Variants in CAT observed in about 807,000 individuals in gnomAD.
The protein encoded by CAT is catalase.
Under a neutral mutation model 59.0 loss-of-function variants are expected in CAT, and 43 were observed. The observed-to-expected ratio is 0.73, with a 90% CI of 0.57 to 0.94. CAT has a LOEUF of 0.94. Among genes scored for constraint, CAT ranks in the 40% least tolerant of loss-of-function variants. The pLI is 0.00. For synonymous variants in CAT, 218 were observed against 230.9 expected, an observed-to-expected ratio of 0.94 and a Z score of 0.51; for missense variants, 664 against 682.9, an observed-to-expected ratio of 0.97 and a Z score of 0.31.
chr11:34,461,712 GT>G (rs942583582), intron 9 of CAT, among the ~76,000 whole-genome samples: 1 of 152,230 alleles, frequency 6.6e-6, no homozygotes, highest in Non-Finnish European at 1.5e-5. Flanking sequence ...TGGGAGTTAG[GT>G]TTTGAAGACA....
rs774386093 is a variant in CAT, at chr11:34,461,321, A to C, written c.1127A>C (p.Asn376Thr). Residue 376 changes from asparagine to threonine, a missense_variant, in exon 9 of 13, where the codon AAC becomes ACC. Asn to Thr is a moderately conservative substitution (Grantham distance 65). Transcript: ENST00000241052. The stretch of plus-strand genomic sequence containing the variant: ...CCCAATTATCTTCATATACCTGTGA[A>C]CTGTCCCTACCGTGCTCGAGTGGCC... ...LGPNYLHIPV[N>T]CPYRARVANY... The C allele has an allele frequency of 6.2e-7, 1 of 1,614,204 alleles. No individual in the cohort carries two copies. Among genetic ancestry groups the C allele is most frequent in the South Asian group, 1.1e-5 (1 of 91,090 alleles).
At chr11:34,439,195 C>G in intron 1 of CAT, 116 bp downstream of exon 1, 1 of 980,584 alleles carries the variant, frequency 1.0e-6, no homozygotes, top group East Asian at 2.6e-5. Context: ...CCGCGGCTCA[C>G]TGGGCAGGGG....
At chr11:34,463,965 G>A (rs1856682756) in intron 9 of CAT, 140 bp from the exon 10 acceptor site, 6 of 857,222 alleles carry the variant, frequency 7.0e-6, no homozygotes, top group Admixed American at 3.5e-5. Context: ...AAAATAATAT[G>A]TGTGCGTTGT....
At chr11:34,442,256 G>A (rs1313021704) in intron 1 of CAT, among the ~76,000 whole-genome samples, 2 of 152,164 alleles carry the variant, frequency 1.3e-5, no homozygotes, top group African/African-American at 4.8e-5. Context: ...GGAATCATGT[G>A]TAGGCTAAGT....
In CAT at chr11:34,471,425, A is replaced by G. The variant is rs1856771294; in HGVS notation, c.1576A>G (p.Asn526Asp). The G allele has an allele frequency of 6.2e-7, 1 of 1,613,850 alleles. No individual in the cohort carries two copies. Among genetic ancestry groups the G allele is most frequent in the African/African-American group, 1.3e-5 (1 of 75,042 alleles). ...GSHLAAREKA[N>D]L ...TCACTTGGCGGCAAGGGAGAAGGCA[A>G]ATCTGTGAGGCCGGGGCCCTGCACC... Residue 526 changes from asparagine to aspartate, a missense_variant, in exon 13 of 13, where the codon AAT becomes GAT. Physicochemically the swap from Asn to Asp is conservative, Grantham distance 23 (BLOSUM62 1). Transcript: ENST00000241052.
chr11:34,442,566 A>C (rs918948035), intron 1 of CAT, among the ~76,000 whole-genome samples: 10 of 152,160 alleles, frequency 6.6e-5, no homozygotes, highest in Non-Finnish European at 1.5e-4. Context: ...CTGCCATTGC[A>C]CTCCAGCCTG....
chr11:34,450,989 G>T lies in CAT; in HGVS notation c.240G>T (p.Gly80=). The change falls in exon 3 of 13, where the codon GGG becomes GGT. Residue 80 remains glycine (G), a splice_region_variant and synonymous_variant. Coordinates refer to ENST00000241052, the MANE Select transcript of CAT (RefSeq NM_001752.4). ...PERVVHAKGA[G]AFGYFEVTHD... The stretch of plus-strand genomic sequence containing the variant: ...GGATTTCTGTGTCTTTCTCGTTAGG[G>T]GCCTTTGGCTACTTTGAGGTCACAC... 3 of 1,600,786 alleles carry T rather than the reference G, an allele frequency of 1.9e-6. No individual in the cohort carries two copies. The highest frequency in any genetic ancestry group is 2.6e-6 in the Non-Finnish European group (3 of 1,167,960).
chr11:34,470,712 C>T (rs1455066079), intron 11 of CAT: 24 of 529,464 alleles, frequency 4.5e-5, no homozygotes, highest in Admixed American at 9.2e-5. Context: ...TTGCGCATTT[C>T]GGCAGAGGGA....
At chr11:34,461,095 G>A in intron 8 of CAT, 156 bp from the exon 9 acceptor site, 2 of 826,200 alleles carry the variant, frequency 2.4e-6, no homozygotes, top group Non-Finnish European at 2.1e-6. Flanking sequence ...TTTCATAAGA[G>A]TAGAGGCTTC....
At chr11:34,451,149 T>G in intron 3 of CAT, 51 bp downstream of exon 3, 1 of 1,038,546 alleles carries the variant, frequency 9.6e-7, no homozygotes, top group Non-Finnish European at 1.5e-6. Context: ...ACTTCACCTT[T>G]TGGGGATGTT....
At chr11:34,454,021 C>A in intron 6 of CAT, 95 bp downstream of exon 6, 1 of 1,349,744 alleles carries the variant, frequency 7.4e-7, no homozygotes, top group Non-Finnish European at 1.0e-6. Context: ...GCTTCTCCCA[C>A]TTTTCCCTCA....
At chr11:34,455,155 C>T (rs982849167) in intron 6 of CAT, among the ~76,000 whole-genome samples, 3 of 152,128 alleles carry the variant, frequency 2.0e-5, no homozygotes, top group Non-Finnish European at 4.4e-5. Flanking sequence ...ACATGGTGAC[C>T]TTCATTGTTT....
chr11:34,457,911 A>T (rs1027952877), intron 8 of CAT, among the ~76,000 whole-genome samples: 2 of 152,244 alleles, frequency 1.3e-5, no homozygotes, highest in Non-Finnish European at 2.9e-5. Flanking sequence ...TTCCGTTTTT[A>T]AAAAATAACT....
chr11:34,443,407 C>T (rs762245656), intron 1 of CAT, among the ~76,000 whole-genome samples: 6 of 152,102 alleles, frequency 3.9e-5, no homozygotes, highest in Non-Finnish European at 7.4e-5. Context: ...AGTATGACCT[C>T]GATCCACTTA....
At chr11:34,450,930 G>A in intron 2 of CAT, 58 bp from the exon 3 acceptor site, 1 of 1,125,616 alleles carries the variant, frequency 8.9e-7, no homozygotes, top group Non-Finnish European at 1.4e-6. Flanking sequence ...TGCCTGTTGA[G>A]GACCTGAATG....
intron 5 of CAT, among the ~76,000 whole-genome samples, chr11:34,453,433 A>G (rs1856552864): frequency 6.6e-6 from 1 of 152,228 alleles, no homozygotes; most frequent in Admixed American, 6.5e-5. Flanking sequence ...ATTTAGCAGT[A>G]GTAAGGATGA....
At position 34,464,106 on chromosome 11, in the gene CAT, TG is replaced by T. The variant is rs1255956063; in HGVS notation, c.1199del (p.Gly400ValfsTer49). On this transcript the variant is annotated frameshift_variant and splice_region_variant, in exon 10 of 13. Transcript: ENST00000241052. LOFTEE classifies it high-confidence loss of function. Reference protein sequence around the residue: ...GPMCMQDNQGGAPNYYPNSFG... With the variant: ...GPMCMQDNQGXAPNYYPNSFG... The stretch of plus-strand genomic sequence containing the variant: ...CATCTGGGTGGTTTTGTTTTGAAGG[TG>T]GTGCTCCAAATTACTACCCCAACAG... 1.9e-6 allele frequency: 3 copies of T among 1,614,198 alleles called. No homozygotes were observed. The highest frequency in any genetic ancestry group is 2.2e-5 in the South Asian group (2 of 91,080).
chr11:34,456,209 C>T lies in CAT; in HGVS notation c.903+7C>T, dbSNP rs1294395338. Reference sequence around the variant, plus strand: ...TCCATTCGATCTCACCAAGGTGAGTCAGTAAACAACTATATTGTTTTCTTT... The same window carrying T: ...TCCATTCGATCTCACCAAGGTGAGTTAGTAAACAACTATATTGTTTTCTTT... On this transcript the variant is annotated splice_region_variant and intron_variant, in intron 7 of 12. Transcript: ENST00000241052. The T allele has an allele frequency of 6.2e-7, 1 of 1,600,346 alleles. No individual in the cohort carries two copies. The highest frequency in any genetic ancestry group is 1.7e-5 in the Admixed American group (1 of 59,952).
intron 9 of CAT, 107 bp downstream of exon 9, chr11:34,461,496 G>A (rs2133857019): frequency 1.5e-6 from 2 of 1,357,606 alleles, no homozygotes; most frequent in South Asian, 1.2e-5. Flanking sequence ...AGGACCTCCT[G>A]CTTGGTAAAG....
Sources: allele counts gnomAD v4.1 joint callset (sites outside exome capture counted in the v4.1 genomes callset), GRCh38; gene constraint gnomAD v4.1.1; transcripts MANE v1.5; gene names NCBI Gene and HGNC (gene_info 2026-07-23, HGNC 2026-07-21).